The following COL6A5 variants were observed in gnomAD, a reference collection of about 807,000 sequenced individuals.
COL6A5 encodes the protein collagen type VI alpha 5 chain, also known as collagen alpha-5(VI) chain.
COL6A5 carries 48 observed loss-of-function variants against 65.6 expected under a neutral mutation model. That is an observed-to-expected ratio of 0.73 (90% CI 0.58 to 0.93). The LOEUF (loss-of-function observed/expected upper bound fraction) is 0.93, where lower values mean the gene tolerates loss of function less well. COL6A5 is among the 40% of genes least tolerant of loss of function. The pLI, the probability that COL6A5 is intolerant of heterozygous loss-of-function variation, is 0.00. For missense variants in COL6A5, 914 were observed against 928.3 expected (o/e 0.98, Z 0.20); for synonymous variants, 291 against 322.8 (o/e 0.90, Z 1.05).
In COL6A5 at chr3:130,388,928, A is replaced by T. The variant is rs1421399546; in HGVS notation, c.2210A>T (p.Asp737Val). The T allele has an allele frequency of 1.9e-6, 3 of 1,547,716 alleles. No individual in the cohort carries two copies. The Admixed American group carries it at 6.0e-5, about 31-fold the overall frequency. ...AAAAAATTTCTCATCCTCATCACAG[A>T]TGGAGTAGCGCAGGATGATGTGAGA... The change falls in exon 6 of 42, where the codon GAT (aspartate) becomes GTT (valine). Residue 737 changes from aspartate (D) to valine (V), a missense_variant and NMD_transcript_variant. Coordinates refer to the COL6A5 transcript ENST00000312481.
At chr3:130,423,726 G>T in intron 28 of COL6A5, 112 bp from the exon 29 acceptor site, 1 of 677,144 alleles carries the variant, frequency 1.5e-6, no homozygotes. Context: ...TCAATTAATA[G>T]CTGCTATCTT....
intron 6 of COL6A5, 91 bp downstream of exon 38, chr3:130,469,572 T>C (rs1709899541): frequency 9.5e-7 from 1 of 1,055,108 alleles, no homozygotes; most frequent in East Asian, 2.6e-5. Flanking sequence ...TGATCCTCAC[T>C]TCAGTTAAGA....
At chr3:130,356,025 A>G (rs572351538) in intron 1 of COL6A5, among the ~76,000 whole-genome samples, 1 of 152,272 alleles carries the variant, frequency 6.6e-6, no homozygotes, top group South Asian at 2.1e-4. Flanking sequence ...GGTGTAGTGC[A>G]TACTTTTTTC....
intron 4 of COL6A5, among the ~76,000 whole-genome samples, chr3:130,382,833 A>G (rs573325130): frequency 6.6e-6 from 1 of 152,298 alleles, no homozygotes; most frequent in African/African-American, 2.4e-5. Context: ...CGACTGATGT[A>G]TAGAAAAAGA....
intron 7 of COL6A5, among the ~76,000 whole-genome samples, chr3:130,472,832 C>CACATATATAT (rs1553760928): frequency 3.0e-5 from 3 of 99,404 alleles, no homozygotes; most frequent in African/African-American, 1.2e-4. Context: ...TGTGTGTATA[C>CACATATATAT]ATATATATAT....
chr3:130,438,389 A>G (rs1016979205), intron 1 of COL6A5, among the ~76,000 whole-genome samples: 1 of 152,174 alleles, frequency 6.6e-6, no homozygotes, highest in Non-Finnish European at 1.5e-5. Flanking sequence ...TATTTGTTGA[A>G]TGAATGAGTG....
At chr3:130,394,910 G>C in exon 8 of COL6A5, 1 of 1,550,782 alleles carries the variant, frequency 6.4e-7, no homozygotes, top group Non-Finnish European at 8.7e-7. Context: ...TCAGGAAGCT[G>C]ACGTGATTTT....
intron 24 of COL6A5, 90 bp downstream of exon 24, chr3:130,416,909 T>G: frequency 1.3e-6 from 1 of 757,062 alleles, no homozygotes; most frequent in South Asian, 1.9e-5. Flanking sequence ...TGAGGTACAA[T>G]GTGATATTTT....
At chr3:130,377,593 A>C (rs1219380684) in intron 3 of COL6A5, among the ~76,000 whole-genome samples, 1 of 152,200 alleles carries the variant, frequency 6.6e-6, no homozygotes, top group Non-Finnish European at 1.5e-5. Flanking sequence ...TGCTGTGTTG[A>C]GCCCTGCATC....
chr3:130,426,286 A>C (rs2107689362), intron 30 of COL6A5, 37 bp downstream of exon 30: 1 of 1,550,896 alleles, frequency 6.4e-7, no homozygotes, highest in African/African-American at 1.4e-5. Flanking sequence ...AAACTCAATA[A>C]GTTCACTGGG....
intron 6 of COL6A5, among the ~76,000 whole-genome samples, chr3:130,470,121 T>C (rs994500997): frequency 6.6e-6 from 1 of 152,120 alleles, no homozygotes; most frequent in African/African-American, 2.4e-5. Context: ...CTACAGCCTC[T>C]ATGCCAGACA....
rs764450825 is a variant in COL6A5, at chr3:130,468,869, T to C, written c.1621T>C (p.Tyr541His). Reference sequence around the variant, plus strand: ...TGGAGATGTCTCTCTTCAAGAATATTACATGGATGTGGCTTTCCTCATAGA... The same window carrying C: ...TGGAGATGTCTCTCTTCAAGAATATCACATGGATGTGGCTTTCCTCATAGA... The change falls in exon 6 of 8, where the codon TAC (tyrosine) becomes CAC (histidine). Residue 541 changes from tyrosine (Y) to histidine (H), a missense_variant. By Grantham distance (83) the Tyr-to-His change is moderately conservative. Coordinates refer to ENST00000512836, the Ensembl canonical transcript of COL6A5. The C allele has an allele frequency of 2.5e-6, 4 of 1,611,754 alleles. No homozygotes were observed. The African/African-American group carries it at 5.3e-5, about 22-fold the overall frequency.
chr3:130,411,590 A>C (rs1937176011), intron 20 of COL6A5, among the ~76,000 whole-genome samples: 1 of 152,190 alleles, frequency 6.6e-6, no homozygotes, highest in Non-Finnish European at 1.5e-5. Flanking sequence ...TCTTCTTCAC[A>C]CAAGAGAATT....
exon 6 of COL6A5, chr3:130,389,119 G>T: frequency 7.0e-7 from 1 of 1,437,824 alleles, no homozygotes; most frequent in Non-Finnish European, 9.2e-7. Flanking sequence ...TATCTTTCGT[G>T]TGTGTGCTCT....
At chr3:130,478,586 C>T (rs1434338261) in intron 7 of COL6A5, among the ~76,000 whole-genome samples, 1 of 152,022 alleles carries the variant, frequency 6.6e-6, no homozygotes, top group Non-Finnish European at 1.5e-5. Context: ...AAAAACATCC[C>T]CCAGTTCACA....
intron 3 of COL6A5, among the ~76,000 whole-genome samples, chr3:130,441,617 A>G (rs1846030): frequency 0.93 from 141,531 of 152,244 alleles, 65,837 homozygotes; most frequent in Non-Finnish European, 0.95. Flanking sequence ...GATGGTTTGG[A>G]AAAATGCTCT....
chr3:130,435,480 G>A (rs1938002836), intron 1 of COL6A5, among the ~76,000 whole-genome samples: 1 of 152,148 alleles, frequency 6.6e-6, no homozygotes, highest in Non-Finnish European at 1.5e-5. Context: ...TGTGAAGAAT[G>A]TCAATGGTAG....
At chr3:130,481,983 C>T (rs1378342611) in intron 7 of COL6A5, among the ~76,000 whole-genome samples, 1 of 152,116 alleles carries the variant, frequency 6.6e-6, no homozygotes, top group African/African-American at 2.4e-5. Flanking sequence ...AATTTTCTCC[C>T]ATTCTGTAGG....
rs537951226 is a variant in COL6A5, at chr3:130,475,533, C to T, written c.2328+4566C>T. ...TTATATCCAATAAAGATATCCCTCT[C>T]CCTCTGGAATAAAGACAAAATAAAG... On this transcript the variant is annotated intron_variant, in intron 7 of 7. Transcript: ENST00000512836. Among the ~76,000 whole-genome samples, 551 of 101,174 alleles carry T rather than the reference C, an allele frequency of 5.4e-3. 2 individuals are homozygous for T. Among genetic ancestry groups the T allele is most frequent in the Middle Eastern group, 0.017 (3 of 178 alleles). The allele number at this position is 101,174 out of a possible 152,430, so 66.4% of individuals were successfully genotyped here.
Sources: gnomAD v4.1 joint callset for allele counts (sites outside exome capture counted in the v4.1 genomes callset) on GRCh38, gnomAD v4.1.1 for gene constraint, MANE v1.5 for transcripts, NCBI Gene and HGNC (gene_info 2026-07-23, HGNC 2026-07-21) for gene names.